ARHGAP15: variants seen among roughly 807,000 people sequenced by gnomAD.
ARHGAP15 encodes Rho GTPase activating protein 15, also known as rho GTPase-activating protein 15.
ARHGAP15 carries 51 observed loss-of-function variants against 63.7 expected under a neutral mutation model. That is an observed-to-expected ratio of 0.80 (90% CI 0.64 to 1.01). The LOEUF is 1.01. Ranked by LOEUF, ARHGAP15 falls within the 50% of genes least tolerant of loss-of-function variation. The probability of loss-of-function intolerance (pLI) is 0.00; values close to 1 mark genes in which losing one functional copy is unlikely to be tolerated. For missense variants in ARHGAP15, 560 were observed against 564.6 expected (o/e 0.99, Z 0.08); for synonymous variants, 191 against 193.8 (o/e 0.99, Z 0.12).
At chr2:143,186,443 G>A (rs548484823) in intron 2 of ARHGAP15, among the ~76,000 whole-genome samples, 4 of 152,174 alleles carry the variant, frequency 2.6e-5, no homozygotes, top group South Asian at 2.1e-4. Flanking sequence ...CTTTTTGCAT[G>A]TGACCAAAAT....
chr2:143,502,285 T>G (rs1693098793), intron 9 of ARHGAP15, among the ~76,000 whole-genome samples: 1 of 151,850 alleles, frequency 6.6e-6, no homozygotes, highest in Non-Finnish European at 1.5e-5. Flanking sequence ...GGCAGGTGCC[T>G]ATAATCCCAG....
chr2:143,215,635 A>T lies in ARHGAP15; in HGVS notation c.235-749A>T, dbSNP rs190292592. Among the ~76,000 whole-genome samples, 725 of 152,300 alleles carry T rather than the reference A, an allele frequency of 4.8e-3. 5 individuals carry two copies. Among genetic ancestry groups the T allele is most frequent in the Admixed American group, 0.011 (165 of 15,284 alleles). On this transcript the variant is annotated intron_variant, in intron 3 of 13. Coordinates refer to ENST00000295095, the MANE Select transcript of ARHGAP15 (RefSeq NM_018460.4). Reference sequence around the variant, plus strand: ...ATGTGAGGCAGACACAGGAGGGTAGAAATAGGATGCTAAGAAATTAAAACA... The same window carrying T: ...ATGTGAGGCAGACACAGGAGGGTAGTAATAGGATGCTAAGAAATTAAAACA...
intron 1 of ARHGAP15, among the ~76,000 whole-genome samples, 170 bp from the exon 2 acceptor site, chr2:143,155,307 A>T (rs777398689): frequency 4.6e-5 from 7 of 151,922 alleles, no homozygotes; most frequent in Non-Finnish European, 7.4e-5. Context: ...AAAGGTCCCA[A>T]CTGACAAAAT....
chr2:143,160,672 C>G (rs1690257358), intron 2 of ARHGAP15, among the ~76,000 whole-genome samples: 1 of 151,916 alleles, frequency 6.6e-6, no homozygotes, highest in South Asian at 2.1e-4. Context: ...TGCTGTAGAA[C>G]AGATGAAAAA....
At chr2:143,222,583 ACAAT>A (rs1265817759) in intron 4 of ARHGAP15, among the ~76,000 whole-genome samples, 4 of 152,232 alleles carry the variant, frequency 2.6e-5, no homozygotes, top group Non-Finnish European at 5.9e-5. Flanking sequence ...ATAAGCTGTT[ACAAT>A]CAAAGTTGCT....
intron 13 of ARHGAP15, among the ~76,000 whole-genome samples, chr2:143,714,088 C>G (rs968179230): frequency 4.6e-5 from 7 of 152,250 alleles, no homozygotes; most frequent in African/African-American, 1.7e-4. Flanking sequence ...AATGCCCTAG[C>G]AGAAGTTCTC....
intron 6 of ARHGAP15, among the ~76,000 whole-genome samples, chr2:143,258,771 A>G (rs1680554398): frequency 6.6e-6 from 1 of 152,164 alleles, no homozygotes. Flanking sequence ...AGGTGTTCAC[A>G]TGGAGGGTTT....
intron 5 of ARHGAP15, among the ~76,000 whole-genome samples, chr2:143,242,047 CT>C (rs1331259886): frequency 6.6e-6 from 1 of 152,196 alleles, no homozygotes; most frequent in Non-Finnish European, 1.5e-5. Flanking sequence ...TTCCCATTTC[CT>C]GCACTTTTGA....
intron 8 of ARHGAP15, among the ~76,000 whole-genome samples, chr2:143,455,452 T>C (rs1205766692): frequency 6.6e-6 from 1 of 152,010 alleles, no homozygotes; most frequent in Non-Finnish European, 1.5e-5. Context: ...TCTCATCCTG[T>C]GACTAAGAAT....
intron 11 of ARHGAP15, among the ~76,000 whole-genome samples, chr2:143,572,670 AC>A (rs746310967): frequency 3.4e-4 from 51 of 152,176 alleles, no homozygotes; most frequent in Non-Finnish European, 5.7e-4. Context: ...AGCCAGGCTT[AC>A]CTGGAATTTT....
chr2:143,705,454 C>G (rs1481426720), intron 13 of ARHGAP15, among the ~76,000 whole-genome samples: 1 of 152,150 alleles, frequency 6.6e-6, no homozygotes, highest in African/African-American at 2.4e-5. Flanking sequence ...TAAATACTAT[C>G]AACCATATCT....
intron 2 of ARHGAP15, among the ~76,000 whole-genome samples, chr2:143,182,304 C>T (rs1691270247): frequency 6.6e-6 from 1 of 151,962 alleles, no homozygotes; most frequent in African/African-American, 2.4e-5. Context: ...TATTCATTGG[C>T]CTAATTTTAA....
chr2:143,674,181 C>G (rs1315377449), intron 12 of ARHGAP15, among the ~76,000 whole-genome samples: 1 of 151,984 alleles, frequency 6.6e-6, no homozygotes. Flanking sequence ...ATTTGTCAAC[C>G]AAAATGACTT....
chr2:143,481,147 G>T (rs190839275), intron 8 of ARHGAP15, among the ~76,000 whole-genome samples: 12 of 152,052 alleles, frequency 7.9e-5, no homozygotes, highest in African/African-American at 2.9e-4. Flanking sequence ...CTGCAGAGTG[G>T]TAAGATGATG....
intron 6 of ARHGAP15, among the ~76,000 whole-genome samples, chr2:143,428,060 G>T (rs1245616691): frequency 1.3e-5 from 2 of 152,040 alleles, no homozygotes; most frequent in African/African-American, 4.8e-5. Context: ...GGAATGGAAA[G>T]ACCAACAAGG....
intron 11 of ARHGAP15, among the ~76,000 whole-genome samples, chr2:143,561,117 T>C (rs1696002657): frequency 6.6e-6 from 1 of 152,222 alleles, no homozygotes; most frequent in Admixed American, 6.5e-5. Flanking sequence ...GCTGCATGTC[T>C]TGAGAACTTT....
intron 13 of ARHGAP15, among the ~76,000 whole-genome samples, chr2:143,740,298 T>C (rs1397221497): frequency 2.0e-5 from 3 of 152,188 alleles, no homozygotes; most frequent in African/African-American, 7.2e-5. Context: ...TATGTATATG[T>C]CCTGACCGTT....
At chr2:143,492,055 G>C (rs1044925871) in intron 9 of ARHGAP15, among the ~76,000 whole-genome samples, 1 of 151,954 alleles carries the variant, frequency 6.6e-6, no homozygotes, top group Non-Finnish European at 1.5e-5. Context: ...CTAATTTTTT[G>C]TATTTTAGTA....
chr2:143,701,447 C>T (rs1255418053), intron 12 of ARHGAP15, among the ~76,000 whole-genome samples: 1 of 152,116 alleles, frequency 6.6e-6, no homozygotes, highest in Non-Finnish European at 1.5e-5. Flanking sequence ...CAAAGAAACC[C>T]AGTGGGCCAG....
Sources: gnomAD v4.1 joint callset for allele counts (sites outside exome capture counted in the v4.1 genomes callset) on GRCh38, gnomAD v4.1.1 for gene constraint, MANE v1.5 for transcripts, NCBI Gene and HGNC (gene_info 2026-07-23, HGNC 2026-07-21) for gene names.